The following CFAP299 variants were observed in gnomAD, a reference collection of about 807,000 sequenced individuals.
CFAP299 encodes the protein cilia and flagella associated protein 299, also known as cilia- and flagella-associated protein 299.
CFAP299 carries 21 observed loss-of-function variants against 27.0 expected under a neutral mutation model. The ratio of observed to expected loss-of-function variants is 0.78; its 90% CI spans 0.55 to 1.12. The LOEUF (loss-of-function observed/expected upper bound fraction) is 1.12. CFAP299 is among the 50% of genes most tolerant of loss of function. The pLI is 0.00. For missense variants in CFAP299, 310 were observed against 276.6 expected (o/e 1.12, Z -0.86); for synonymous variants, 104 against 98.1 (o/e 1.06, Z -0.36).
intron 3 of CFAP299, among the ~76,000 whole-genome samples, chr4:80,734,494 G>T (rs190319581): frequency 3.3e-5 from 5 of 152,098 alleles, no homozygotes; most frequent in Admixed American, 3.3e-4. Context: ...GCCCATTTTT[G>T]CTTTGGTTGC....
intron 2 of CFAP299, among the ~76,000 whole-genome samples, chr4:80,367,488 C>T (rs1270271845): frequency 6.6e-6 from 1 of 152,038 alleles, no homozygotes; most frequent in East Asian, 1.9e-4. Flanking sequence ...TAATTTGTAC[C>T]TGTTCCTTCA....
intron 2 of CFAP299, among the ~76,000 whole-genome samples, chr4:80,501,654 T>G (rs1731753135): frequency 6.6e-6 from 1 of 151,290 alleles, no homozygotes; most frequent in South Asian, 2.1e-4. Context: ...TGGATAAGCT[T>G]CTAAGAATTT....
intron 3 of CFAP299, among the ~76,000 whole-genome samples, chr4:80,671,048 T>A (rs950859224): frequency 3.9e-5 from 6 of 152,282 alleles, no homozygotes; most frequent in Non-Finnish European, 7.4e-5. Flanking sequence ...GGTGTTTTAG[T>A]CATGAAGTCC....
intron 3 of CFAP299, among the ~76,000 whole-genome samples, chr4:80,729,235 T>C (rs546942520): frequency 6.6e-6 from 1 of 152,318 alleles, no homozygotes; most frequent in Admixed American, 6.5e-5. Flanking sequence ...CACACTCTTT[T>C]GGTTGCTAAT....
At chr4:80,602,748 A>T (rs1229855993) in intron 3 of CFAP299, among the ~76,000 whole-genome samples, 1 of 152,060 alleles carries the variant, frequency 6.6e-6, no homozygotes, top group African/African-American at 2.4e-5. Context: ...ACTTTCAAAC[A>T]AGGCCATCCT....
At chr4:80,790,013 A>C (rs1324219135) in intron 3 of CFAP299, among the ~76,000 whole-genome samples, 1 of 152,030 alleles carries the variant, frequency 6.6e-6, no homozygotes, top group Non-Finnish European at 1.5e-5. Flanking sequence ...AAGAATATCT[A>C]ACAAATAAGT....
chr4:80,532,339 A>G (rs1733520053), intron 2 of CFAP299, among the ~76,000 whole-genome samples: 1 of 152,212 alleles, frequency 6.6e-6, no homozygotes, highest in Non-Finnish European at 1.5e-5. Flanking sequence ...TGGGAAAAAA[A>G]CTGTCAGAAG....
intron 4 of CFAP299, among the ~76,000 whole-genome samples, chr4:80,918,682 T>C (rs1735885352): frequency 1.3e-5 from 2 of 152,152 alleles, no homozygotes; most frequent in African/African-American, 2.4e-5. Context: ...TTGCCGATCA[T>C]ATCTCTTCCC....
At chr4:80,680,081 A>C (rs1444937125) in intron 3 of CFAP299, among the ~76,000 whole-genome samples, 1 of 152,000 alleles carries the variant, frequency 6.6e-6, no homozygotes, top group Non-Finnish European at 1.5e-5. Context: ...TTCAATTGTC[A>C]GGTGGTGATA....
At chr4:80,721,593 T>C (rs1722815346) in intron 3 of CFAP299, among the ~76,000 whole-genome samples, 1 of 152,168 alleles carries the variant, frequency 6.6e-6, no homozygotes, top group South Asian at 2.1e-4. Context: ...ATTTTTGAGG[T>C]GCCAAGGATT....
At chr4:80,407,638 A>G (rs1726500524) in intron 2 of CFAP299, among the ~76,000 whole-genome samples, 1 of 152,206 alleles carries the variant, frequency 6.6e-6, no homozygotes. Flanking sequence ...CAAAGGGTGA[A>G]GAAATAGATT....
intron 3 of CFAP299, among the ~76,000 whole-genome samples, chr4:80,815,862 T>A (rs1378990648): frequency 6.6e-6 from 1 of 152,064 alleles, no homozygotes. Context: ...TTTAATGATG[T>A]TTCTCTCTAG....
intron 2 of CFAP299, among the ~76,000 whole-genome samples, chr4:80,496,755 G>T (rs554990409): frequency 3.3e-5 from 5 of 152,186 alleles, no homozygotes; most frequent in African/African-American, 4.8e-5. Flanking sequence ...ATAAAGAAAA[G>T]AGGTTTAATT....
At chr4:80,822,899 TG>T (rs1427260339) in intron 3 of CFAP299, among the ~76,000 whole-genome samples, 3 of 152,224 alleles carry the variant, frequency 2.0e-5, no homozygotes, top group Non-Finnish European at 4.4e-5. Flanking sequence ...TGAAATATTT[TG>T]TTTTTGTCTC....
At chr4:80,680,957 T>C (rs1719798817) in intron 3 of CFAP299, among the ~76,000 whole-genome samples, 1 of 152,018 alleles carries the variant, frequency 6.6e-6, no homozygotes, top group Non-Finnish European at 1.5e-5. Context: ...TGTTTTCAAG[T>C]CTCCTCTCTT....
chr4:80,693,481 G>T (rs1447861456), intron 3 of CFAP299, among the ~76,000 whole-genome samples: 1 of 148,820 alleles, frequency 6.7e-6, no homozygotes, highest in Non-Finnish European at 1.5e-5. Flanking sequence ...CTCACTCATA[G>T]GTGGGAACTG....
intron 5 of CFAP299, among the ~76,000 whole-genome samples, chr4:80,955,430 C>G (rs558225727): frequency 6.6e-6 from 1 of 152,216 alleles, no homozygotes; most frequent in South Asian, 2.1e-4. Context: ...AAAATGCCTG[C>G]CACAGAGTAG....
intron 2 of CFAP299, among the ~76,000 whole-genome samples, chr4:80,424,992 G>A (rs953896687): frequency 2.0e-5 from 3 of 151,992 alleles, no homozygotes; most frequent in Non-Finnish European, 2.9e-5. Flanking sequence ...GAGACTCTTC[G>A]GTGCCCATCT....
intron 2 of CFAP299, among the ~76,000 whole-genome samples, chr4:80,446,256 C>T (rs1560571216): frequency 6.6e-6 from 1 of 152,092 alleles, no homozygotes; most frequent in Non-Finnish European, 1.5e-5. Context: ...AGGGGAGGGT[C>T]AGGGGAAAGT....
Sources: gnomAD v4.1 joint callset for allele counts (sites outside exome capture counted in the v4.1 genomes callset) on GRCh38, gnomAD v4.1.1 for gene constraint, MANE v1.5 for transcripts, NCBI Gene and HGNC (gene_info 2026-07-23, HGNC 2026-07-21) for gene names.